Variants in LUC7L2 observed in about 807,000 individuals in gnomAD.
The protein encoded by LUC7L2 is LUC7 like 2, pre-mRNA splicing factor, also known as putative RNA-binding protein Luc7-like 2.
In LUC7L2, 25 loss-of-function variants were observed where a neutral mutation model predicts 52.8. The observed-to-expected ratio is 0.47, with a 90% CI of 0.34 to 0.66. LUC7L2 has a LOEUF of 0.66. Ranked by LOEUF, LUC7L2 falls within the 30% of genes least tolerant of loss-of-function variation. The pLI is 0.01. For synonymous variants in LUC7L2, 144 were observed against 160.9 expected (o/e 0.89, Z 0.80); for missense variants, 328 against 497.8 (o/e 0.66, Z 3.25).
intron 2 of LUC7L2, among the ~76,000 whole-genome samples, chr7:139,379,690 C>T (rs1391901257): frequency 6.7e-6 from 1 of 149,112 alleles, no homozygotes. Flanking sequence ...CTCAGCCTCC[C>T]GAGTAGCTGG....
chr7:139,376,396 T>G (rs1172801755), intron 2 of LUC7L2, among the ~76,000 whole-genome samples: 9 of 152,238 alleles, frequency 5.9e-5, no homozygotes. Context: ...AAAGCATGTT[T>G]TATTTGGAAT....
rs779013466 is a variant in LUC7L2 at position 139,407,000 on chromosome 7, G to GTTTTTTTTTTTTTTTTTTT, written c.511-174_511-173insTTTTTTTTTTTTTTTTTTT. Among the ~76,000 whole-genome samples, 3 of 111,612 alleles carry GTTTTTTTTTTTTTTTTTTT rather than the reference G, an allele frequency of 2.7e-5. 1 individual carries two copies. The highest frequency in any genetic ancestry group is 7.5e-5 in the African/African-American group (2 of 26,604). 73.2% of individuals were successfully genotyped at this position (111,612 alleles called of 152,430 possible). ...CATAACAAAATAGCCATGCTTTTGT[G>GTTTTTTTTTTTTTTTTTTT]GTTTTTTTTTTTTTTTTTTTTTGAG... On this transcript the variant is annotated intron_variant, in intron 5 of 9. Coordinates refer to ENST00000354926, the MANE Select transcript of LUC7L2 (RefSeq NM_016019.5).
At chr7:139,351,014 T>C (rs1799443041) in intron 1 of LUC7L2, among the ~76,000 whole-genome samples, 1 of 152,098 alleles carries the variant, frequency 6.6e-6, no homozygotes, top group South Asian at 2.1e-4. Context: ...CATTTTTCAG[T>C]TTCATGTTCT....
At chr7:139,406,807 C>T (rs1428342656) in intron 5 of LUC7L2, among the ~76,000 whole-genome samples, 1 of 152,014 alleles carries the variant, frequency 6.6e-6, no homozygotes, top group East Asian at 1.9e-4. Context: ...CTTAATTAAT[C>T]TAGCTGGTCA....
intron 1 of LUC7L2, among the ~76,000 whole-genome samples, chr7:139,368,785 C>A (rs533163224): frequency 6.6e-6 from 1 of 150,550 alleles, no homozygotes; most frequent in South Asian, 2.1e-4. Flanking sequence ...CAAATAAAGT[C>A]TTTTGTGGTC....
intron 1 of LUC7L2, among the ~76,000 whole-genome samples, chr7:139,354,064 C>A (rs187644635): frequency 6.6e-6 from 1 of 151,104 alleles, no homozygotes; most frequent in Non-Finnish European, 1.5e-5. Flanking sequence ...TGCAGTGAGC[C>A]GAGATCACGC....
intron 9 of LUC7L2, among the ~76,000 whole-genome samples, chr7:139,419,133 A>ACAAAC (rs1554398605): frequency 3.0e-5 from 4 of 132,346 alleles, no homozygotes; most frequent in African/African-American, 1.4e-4. Context: ...AAACAAACAA[A>ACAAAC]AAAAAAAACA....
chr7:139,393,065 T>C (rs1193606035), intron 2 of LUC7L2, among the ~76,000 whole-genome samples: 1 of 151,844 alleles, frequency 6.6e-6, no homozygotes, highest in Admixed American at 6.6e-5. Flanking sequence ...TGAAGAGTTT[T>C]AGACCAGCCA....
At chr7:139,403,869 G>GT (rs1173054289) in intron 4 of LUC7L2, among the ~76,000 whole-genome samples, 1 of 152,144 alleles carries the variant, frequency 6.6e-6, no homozygotes, top group Non-Finnish European at 1.5e-5. Flanking sequence ...GGTGGTAGAG[G>GT]TGCAGAAGCA....
intron 1 of LUC7L2, 63 bp downstream of exon 1, chr7:139,360,385 C>T: frequency 2.0e-6 from 3 of 1,490,178 alleles, no homozygotes; most frequent in South Asian, 1.2e-5. Context: ...GGAAGGGGTT[C>T]CGAGGGCGCA....
At chr7:139,376,929 T>C (rs1423686485) in intron 2 of LUC7L2, among the ~76,000 whole-genome samples, 3 of 152,200 alleles carry the variant, frequency 2.0e-5, no homozygotes, top group Non-Finnish European at 2.9e-5. Context: ...AAGCAATGAG[T>C]TTCTCAGCCA....
At chr7:139,406,463 T>G (rs1211903313) in intron 5 of LUC7L2, among the ~76,000 whole-genome samples, 3 of 151,420 alleles carry the variant, frequency 2.0e-5, no homozygotes, top group African/African-American at 7.3e-5. Context: ...GGCGATTCTC[T>G]TGCCTCAGCC....
chr7:139,382,349 A>G (rs1801074972), intron 2 of LUC7L2, among the ~76,000 whole-genome samples: 1 of 152,008 alleles, frequency 6.6e-6, no homozygotes, highest in African/African-American at 2.4e-5. Flanking sequence ...GTCGTAGTCA[A>G]TATTATTGGG....
intron 2 of LUC7L2, among the ~76,000 whole-genome samples, chr7:139,389,272 G>GT (rs1206560081): frequency 6.6e-6 from 1 of 151,906 alleles, no homozygotes; most frequent in Non-Finnish European, 1.5e-5. Flanking sequence ...ATTCTTCTTT[G>GT]CCTACAGAAT....
chr7:139,389,515 AT>A (rs1794338982), intron 2 of LUC7L2, among the ~76,000 whole-genome samples: 1 of 151,796 alleles, frequency 6.6e-6, no homozygotes, highest in Non-Finnish European at 1.5e-5. Context: ...TCCCTCTATT[AT>A]TTGTCTTCTG....
At chr7:139,415,059 T>G (rs1415210294) in intron 8 of LUC7L2, among the ~76,000 whole-genome samples, 3 of 142,370 alleles carry the variant, frequency 2.1e-5, no homozygotes, top group East Asian at 2.1e-4. Context: ...GCTAAGTTTT[T>G]TTTTTTTTTT....
chr7:139,341,181 G>T, intron 1 of LUC7L2: 2 of 826,426 alleles, frequency 2.4e-6, no homozygotes, highest in East Asian at 3.0e-5. Context: ...TTAACAGTCG[G>T]GTTTCGTTTG....
intron 6 of LUC7L2, among the ~76,000 whole-genome samples, chr7:139,408,770 A>G (rs1420214205): frequency 6.8e-6 from 1 of 147,206 alleles, no homozygotes; most frequent in East Asian, 2.0e-4. Context: ...TGAACCCGGG[A>G]GGTGGAGGTT....
intron 8 of LUC7L2, 114 bp from the exon 9 acceptor site, chr7:139,417,422 GAA>G: frequency 3.1e-6 from 4 of 1,287,898 alleles, no homozygotes; most frequent in Non-Finnish European, 2.1e-6. Context: ...AGCTGACTTG[GAA>G]TATAATTGAC....
Sources: allele counts gnomAD v4.1 joint callset (sites outside exome capture counted in the v4.1 genomes callset), GRCh38; gene constraint gnomAD v4.1.1; transcripts MANE v1.5; gene names NCBI Gene and HGNC (gene_info 2026-07-23, HGNC 2026-07-21).